Variants in ARL15 observed in about 807,000 individuals in gnomAD.
ARL15 encodes ARF like GTPase 15, also known as ADP-ribosylation factor-like protein 15.
A neutral mutation model predicts 25.2 loss-of-function variants in ARL15; 19 were observed. The observed-to-expected ratio is 0.75, with a 90% CI of 0.53 to 1.10. The LOEUF is 1.10. Among genes scored for constraint, ARL15 ranks in the 50% least tolerant of loss-of-function variants. The pLI is 0.00. For synonymous variants in ARL15, 94 were observed against 86.8 expected (o/e 1.08, Z -0.46); for missense variants, 220 against 246.0 (o/e 0.89, Z 0.71).
intron 4 of ARL15, among the ~76,000 whole-genome samples, chr5:53,888,287 A>G (rs1406248058): frequency 6.6e-6 from 1 of 150,816 alleles, no homozygotes; most frequent in African/African-American, 2.4e-5. Context: ...TTTTATTTTT[A>G]TTTTTTTAGA....
chr5:54,292,433 T>A (rs1427316602), intron 1 of ARL15, among the ~76,000 whole-genome samples: 2 of 152,190 alleles, frequency 1.3e-5, no homozygotes. Context: ...GCCCTCCACC[T>A]GTTATCAGCA....
chr5:54,048,228 C>T (rs1750587342), intron 4 of ARL15: 1 of 152,010 alleles, frequency 6.6e-6, no homozygotes. Flanking sequence ...GCACTACAGC[C>T]CAGAACTCCT....
intron 4 of ARL15, among the ~76,000 whole-genome samples, chr5:53,947,322 T>A (rs1746783203): frequency 6.6e-6 from 1 of 151,832 alleles, no homozygotes; most frequent in African/African-American, 2.4e-5. Context: ...GCATACAGGT[T>A]TCTCCTTTCT....
At chr5:54,060,047 G>T (rs557972213) in intron 4 of ARL15, among the ~76,000 whole-genome samples, 1 of 148,552 alleles carries the variant, frequency 6.7e-6, no homozygotes, top group East Asian at 2.0e-4. Context: ...CTGAATTCCA[G>T]TGGAAGGTGA....
At chr5:54,050,307 T>G (rs1750665481) in intron 4 of ARL15, among the ~76,000 whole-genome samples, 1 of 152,202 alleles carries the variant, frequency 6.6e-6, no homozygotes, top group South Asian at 2.1e-4. Flanking sequence ...AGATTAGAAT[T>G]AGAGATGAAA....
intron 1 of ARL15, among the ~76,000 whole-genome samples, chr5:54,193,345 C>T (rs1299512013): frequency 6.6e-6 from 1 of 152,222 alleles, no homozygotes; most frequent in East Asian, 1.9e-4. Flanking sequence ...TTCTGTAATA[C>T]TCTAATCCAG....
At chr5:54,080,395 T>A (rs1193487373) in intron 4 of ARL15, among the ~76,000 whole-genome samples, 1 of 152,210 alleles carries the variant, frequency 6.6e-6, no homozygotes, top group African/African-American at 2.4e-5. Flanking sequence ...TTTTTATGCA[T>A]AATTTCTTCA....
intron 4 of ARL15, among the ~76,000 whole-genome samples, chr5:54,110,436 GAGA>G (rs1752707372): frequency 6.6e-6 from 1 of 152,032 alleles, no homozygotes; most frequent in African/African-American, 2.4e-5. Context: ...TCAATGGAGT[GAGA>G]AGAAGAATCA....
intron 2 of ARL15, among the ~76,000 whole-genome samples, chr5:54,158,709 C>A (rs1365956650): frequency 6.6e-6 from 1 of 152,088 alleles, no homozygotes; most frequent in African/African-American, 2.4e-5. Context: ...CCCGTCTCTA[C>A]TAAAAATACA....
At chr5:54,002,345 C>G (rs1169223461) in intron 4 of ARL15, among the ~76,000 whole-genome samples, 1 of 152,070 alleles carries the variant, frequency 6.6e-6, no homozygotes. Context: ...AGGAAGTGAC[C>G]TAGAGAGGGT....
rs141498982 is a variant in ARL15, at chr5:53,968,871, G to T, written c.463-82158C>A. On this transcript the variant is annotated intron_variant, in intron 4 of 4. Coordinates refer to ENST00000504924, the MANE Select transcript of ARL15 (RefSeq NM_019087.3). ...GCACATCTTATATCTTTTAAAATAC[G>T]CAGGCTGGGCACGGTGACTCACGCC... Among the ~76,000 whole-genome samples the T allele has an allele frequency of 3.6e-3, 548 of 151,862 alleles. 4 individuals carry two copies. Among genetic ancestry groups the T allele is most frequent in the African/African-American group, 0.011 (456 of 41,430 alleles).
rs1390030051 is a variant in ARL15, at chr5:54,032,273, G to A, written c.462+80929C>T. ...TTTTGAGACAGAGTCTCACTCTGTC[G>A]CCCAGGCTGGAGTGCAGTGGCGTGA... is the stretch of plus-strand genomic sequence containing the variant. On this transcript the variant is annotated intron_variant, in intron 4 of 4. Transcript: ENST00000504924. Among the ~76,000 whole-genome samples, 5 of 151,106 alleles carry A rather than the reference G, an allele frequency of 3.3e-5. 1 individual carries two copies. The highest frequency in any genetic ancestry group is 4.9e-5 in the African/African-American group (2 of 41,076).
In ARL15 at chr5:54,230,889, C is replaced by CA. The variant is rs201367975; in HGVS notation, c.49-58962dup. ...AGTATATAACAGCTTGGTAGGTAAG[C>CA]AAAAAAAATACTATTTCTATTTTAC... On this transcript the variant is annotated intron_variant, in intron 1 of 4. Transcript: ENST00000504924. Among the ~76,000 whole-genome samples the CA allele has an allele frequency of 9.9e-3, 1,498 of 151,248 alleles. 9 individuals are homozygous for CA. Among genetic ancestry groups the CA allele is most frequent in the Middle Eastern group, 0.02 (6 of 294 alleles).
intron 4 of ARL15, among the ~76,000 whole-genome samples, chr5:53,961,136 T>G (rs1218644182): frequency 2.0e-5 from 3 of 152,138 alleles, no homozygotes; most frequent in African/African-American, 7.2e-5. Flanking sequence ...GGCTTGAAAT[T>G]TTTTAAATCG....
chr5:53,979,827 TTTTGTGTGTGTGTGTG>T (rs1351927170), intron 4 of ARL15, among the ~76,000 whole-genome samples: 1 of 134,494 alleles, frequency 7.4e-6, no homozygotes. Flanking sequence ...CTTTAAAGTC[TTTTGTGTGTGTGTGTG>T]TGTGTGTGTG....
chr5:54,287,117 T>C (rs186389698), intron 1 of ARL15, among the ~76,000 whole-genome samples: 1 of 152,158 alleles, frequency 6.6e-6, no homozygotes, highest in Admixed American at 6.5e-5. Flanking sequence ...TGGGCTCCAG[T>C]GATCCTCCCA....
intron 4 of ARL15, among the ~76,000 whole-genome samples, chr5:53,992,667 C>T (rs144971581): frequency 9.5e-4 from 144 of 152,264 alleles, no homozygotes; most frequent in African/African-American, 3.4e-3. Flanking sequence ...CTAGTACCAA[C>T]AATGTCATGG....
At chr5:54,127,688 CA>C (rs1753304260) in intron 3 of ARL15, among the ~76,000 whole-genome samples, 1 of 151,662 alleles carries the variant, frequency 6.6e-6, no homozygotes, top group Non-Finnish European at 1.5e-5. Flanking sequence ...CATATGGAAC[CA>C]AAAAAGAGCC....
At chr5:53,975,838 G>T (rs1236048811) in intron 4 of ARL15, among the ~76,000 whole-genome samples, 3 of 152,184 alleles carry the variant, frequency 2.0e-5, no homozygotes, top group Non-Finnish European at 4.4e-5. Flanking sequence ...CATCAGTACA[G>T]CTGCTTGGCC....
Sources: allele counts gnomAD v4.1 joint callset (sites outside exome capture counted in the v4.1 genomes callset), GRCh38; gene constraint gnomAD v4.1.1; transcripts MANE v1.5; gene names NCBI Gene and HGNC (gene_info 2026-07-23, HGNC 2026-07-21).